The following SLC39A11 variants were observed in gnomAD, a reference collection of about 807,000 sequenced individuals.
SLC39A11 encodes the protein solute carrier family 39 member 11, also known as zinc transporter ZIP11.
Under a neutral mutation model 36.1 loss-of-function variants are expected in SLC39A11, and 33 were observed. That is an observed-to-expected ratio of 0.91 (90% CI 0.69 to 1.22). The LOEUF (loss-of-function observed/expected upper bound fraction) is 1.22. Ranked by LOEUF, SLC39A11 falls within the 50% of genes most tolerant of loss-of-function variation. The pLI is 0.00. For missense variants in SLC39A11, 432 were observed against 430.3 expected, an observed-to-expected ratio of 1.00 and a Z score of -0.03; for synonymous variants, 166 against 170.3, an observed-to-expected ratio of 0.97 and a Z score of 0.20.
intron 7 of SLC39A11, among the ~76,000 whole-genome samples, chr17:72,704,715 T>TGG (rs11413433): frequency 6.6e-6 from 1 of 151,852 alleles, no homozygotes; most frequent in Non-Finnish European, 1.5e-5. Flanking sequence ...GGCAGTTCCC[T>TGG]GGGGGGTCCT....
At chr17:72,754,551 G>A (rs1223412961) in intron 6 of SLC39A11, among the ~76,000 whole-genome samples, 1 of 150,378 alleles carries the variant, frequency 6.6e-6, no homozygotes, top group Non-Finnish European at 1.5e-5. Context: ...AAAGAGTGTG[G>A]GAATCATAAA....
chr17:72,961,704 C>T (rs9747864), intron 4 of SLC39A11, among the ~76,000 whole-genome samples: 70,680 of 147,636 alleles, frequency 0.48, 18,198 homozygotes, highest in Middle Eastern at 0.64. Flanking sequence ...CACTTGGACA[C>T]GGGGCGGGGA....
chr17:72,879,108 C>T (rs748447874), intron 5 of SLC39A11, among the ~76,000 whole-genome samples: 9 of 152,232 alleles, frequency 5.9e-5, no homozygotes, highest in Non-Finnish European at 1.2e-4. Context: ...AGCTTCCACG[C>T]CCTTTCCAGG....
rs74253750 is a variant in SLC39A11, at chr17:73,033,185, C to T, written c.148-1471G>A. The stretch of plus-strand genomic sequence containing the variant: ...CTGGTCTGACAGGAGGCGGAGCTCC[C>T]GCGGTAATCCTCACTCACTTGTCCG... On this transcript the variant is annotated intron_variant, in intron 3 of 9. Coordinates refer to ENST00000255559, the MANE Select transcript of SLC39A11 (RefSeq NM_139177.4). Among the ~76,000 whole-genome samples, 1,137 of 152,270 alleles carry T rather than the reference C, an allele frequency of 7.5e-3. 41 individuals are homozygous for T. Among genetic ancestry groups the T allele is most frequent in the East Asian group, 0.031 (159 of 5,156 alleles).
intron 3 of SLC39A11, among the ~76,000 whole-genome samples, chr17:73,081,628 T>TAC (rs60997229): frequency 1.0e-3 from 80 of 77,956 alleles, no homozygotes; most frequent in Non-Finnish European, 1.9e-3. Context: ...TATATATATA[T>TAC]ACATACACAC....
At chr17:72,776,471 C>CAATT (rs2076134535) in intron 6 of SLC39A11, among the ~76,000 whole-genome samples, 1 of 152,034 alleles carries the variant, frequency 6.6e-6, no homozygotes, top group Admixed American at 6.5e-5. Flanking sequence ...TTTGCTTTTA[C>CAATT]TGAAATCTGT....
intron 6 of SLC39A11, among the ~76,000 whole-genome samples, chr17:72,747,623 G>A (rs924392741): frequency 6.6e-6 from 1 of 152,190 alleles, no homozygotes; most frequent in Non-Finnish European, 1.5e-5. Flanking sequence ...GACACACCAT[G>A]GGGCAGGGCT....
chr17:72,824,664 G>C (rs2077938461), intron 6 of SLC39A11, among the ~76,000 whole-genome samples: 1 of 151,320 alleles, frequency 6.6e-6, no homozygotes, highest in African/African-American at 2.4e-5. Flanking sequence ...TGAAGTCCAG[G>C]CTGAAGTGGT....
intron 7 of SLC39A11, among the ~76,000 whole-genome samples, chr17:72,730,298 C>T (rs1440800885): frequency 6.6e-6 from 1 of 152,206 alleles, no homozygotes; most frequent in Non-Finnish European, 1.5e-5. Flanking sequence ...CATTCTGGTA[C>T]ATTACTTCCC....
intron 4 of SLC39A11, among the ~76,000 whole-genome samples, chr17:72,990,888 A>G (rs1264080039): frequency 1.3e-5 from 2 of 152,236 alleles, no homozygotes; most frequent in African/African-American, 4.8e-5. Flanking sequence ...GTACGGAAGA[A>G]ATATTTTGGT....
intron 6 of SLC39A11, among the ~76,000 whole-genome samples, chr17:72,835,782 G>A (rs183977557): frequency 3.3e-5 from 5 of 152,276 alleles, no homozygotes; most frequent in Admixed American, 6.5e-5. Context: ...TACTGCTGTC[G>A]TCTCAATAAT....
At chr17:72,887,684 T>C (rs1466284455) in intron 5 of SLC39A11, among the ~76,000 whole-genome samples, 3 of 152,244 alleles carry the variant, frequency 2.0e-5, no homozygotes, top group African/African-American at 7.2e-5. Context: ...CTAATTATAT[T>C]GCAGGCATTC....
At chr17:72,695,718 A>G (rs2072263974) in intron 7 of SLC39A11, among the ~76,000 whole-genome samples, 1 of 152,196 alleles carries the variant, frequency 6.6e-6, no homozygotes, top group African/African-American at 2.4e-5. Flanking sequence ...TGTCCTTAGA[A>G]AAGACAACCA....
At chr17:72,825,606 T>C (rs747395694) in intron 6 of SLC39A11, among the ~76,000 whole-genome samples, 2 of 152,138 alleles carry the variant, frequency 1.3e-5, no homozygotes, top group African/African-American at 4.8e-5. Context: ...GGAAAAGCCA[T>C]AGGCACTCAA....
chr17:73,025,096 G>A (rs893445017), intron 4 of SLC39A11, among the ~76,000 whole-genome samples: 1 of 152,046 alleles, frequency 6.6e-6, no homozygotes, highest in Non-Finnish European at 1.5e-5. Context: ...CCATCACAAT[G>A]AGAACTAAAA....
At chr17:72,911,407 AAAGTAT>A (rs1364811376) in intron 5 of SLC39A11, among the ~76,000 whole-genome samples, 9 of 141,544 alleles carry the variant, frequency 6.4e-5, no homozygotes, top group East Asian at 6.0e-4. Flanking sequence ...CCTAAAACTT[AAAGTAT>A]AATTTAAAAA....
chr17:72,958,737 G>T (rs1453899389), intron 4 of SLC39A11, among the ~76,000 whole-genome samples: 2 of 152,052 alleles, frequency 1.3e-5, no homozygotes, highest in African/African-American at 4.8e-5. Context: ...TGTAACCTCA[G>T]CTACTCGGGA....
intron 6 of SLC39A11, among the ~76,000 whole-genome samples, chr17:72,836,517 T>C (rs942120165): frequency 6.6e-6 from 1 of 152,042 alleles, no homozygotes; most frequent in Admixed American, 6.6e-5. Flanking sequence ...ATTTTTGTAT[T>C]TTTTGTAGAG....
At chr17:72,783,806 T>C (rs1011293730) in intron 6 of SLC39A11, among the ~76,000 whole-genome samples, 1 of 152,064 alleles carries the variant, frequency 6.6e-6, no homozygotes, top group Non-Finnish European at 1.5e-5. Flanking sequence ...AATGGATGGA[T>C]TGAAGAATTA....
Sources: gnomAD v4.1 joint callset for allele counts (sites outside exome capture counted in the v4.1 genomes callset) on GRCh38, gnomAD v4.1.1 for gene constraint, MANE v1.5 for transcripts, NCBI Gene and HGNC (gene_info 2026-07-23, HGNC 2026-07-21) for gene names.